TRPM8: variants seen among roughly 807,000 people sequenced by gnomAD.
TRPM8 encodes TRPM8 cationic channel.
Under a neutral mutation model 133.7 loss-of-function variants are expected in TRPM8, and 110 were observed. The observed-to-expected ratio is 0.82, with a 90% CI of 0.70 to 0.96. The LOEUF (loss-of-function observed/expected upper bound fraction) is 0.96. Ranked by LOEUF, TRPM8 falls within the 40% of genes least tolerant of loss-of-function variation. The pLI is 0.00. For synonymous variants in TRPM8, 535 were observed against 532.3 expected (o/e 1.01, Z -0.07); for missense variants, 1,291 against 1,379.5 (o/e 0.94, Z 1.02).
intron 19 of TRPM8, 82 bp downstream of exon 19, chr2:233,981,997 C>T: frequency 7.2e-7 from 1 of 1,395,830 alleles, no homozygotes. Context: ...GGATTTTGTC[C>T]TTAGAACGAC....
intron 4 of TRPM8, 88 bp from the exon 5 acceptor site, chr2:233,938,910 C>T: frequency 2.8e-6 from 4 of 1,438,380 alleles, no homozygotes; most frequent in Non-Finnish European, 3.8e-6. Context: ...AGCAGGCAAG[C>T]GTGGGCTTGG....
chr2:233,959,266 T>C (rs529308874), intron 11 of TRPM8, among the ~76,000 whole-genome samples: 13 of 151,706 alleles, frequency 8.6e-5, no homozygotes, highest in Non-Finnish European at 1.6e-4. Flanking sequence ...CCTCAGGTGA[T>C]CCACCCGCTT....
At chr2:233,923,117 C>T (rs903590976) in intron 1 of TRPM8, among the ~76,000 whole-genome samples, 1 of 152,158 alleles carries the variant, frequency 6.6e-6, no homozygotes, top group Admixed American at 6.5e-5. Flanking sequence ...GATCCGCCTG[C>T]CTCAGCCTCC....
At chr2:233,947,704 A>T in intron 8 of TRPM8, 1 of 893,970 alleles carries the variant, frequency 1.1e-6, no homozygotes, top group Non-Finnish European at 1.6e-6. Flanking sequence ...GCCAATCTGT[A>T]TGGACTCATT....
chr2:233,919,085 C>T (rs1463380472), intron 1 of TRPM8, among the ~76,000 whole-genome samples: 1 of 151,806 alleles, frequency 6.6e-6, no homozygotes, highest in African/African-American at 2.4e-5. Context: ...CTAGACAATC[C>T]TGATTGAAAA....
chr2:234,004,089 C>G (rs1052012384), intron 22 of TRPM8, among the ~76,000 whole-genome samples: 2 of 152,162 alleles, frequency 1.3e-5, no homozygotes, highest in African/African-American at 2.4e-5. Context: ...AGGAAGCCAC[C>G]AGATAAGTCA....
chr2:233,931,705 C>T (rs1691682322), intron 3 of TRPM8, among the ~76,000 whole-genome samples: 1 of 152,220 alleles, frequency 6.6e-6, no homozygotes, highest in African/African-American at 2.4e-5. Context: ...ATAATTCTTA[C>T]TTCATGTGAA....
intron 15 of TRPM8, among the ~76,000 whole-genome samples, chr2:233,967,489 C>T (rs553105184): frequency 6.6e-6 from 1 of 152,296 alleles, no homozygotes; most frequent in Admixed American, 6.5e-5. Flanking sequence ...TGGGTGCCAT[C>T]CCATTTCACT....
intron 9 of TRPM8, among the ~76,000 whole-genome samples, chr2:233,952,689 T>C (rs1182768969): frequency 6.6e-6 from 1 of 151,706 alleles, no homozygotes; most frequent in African/African-American, 2.4e-5. Flanking sequence ...GGAAGTTGTG[T>C]TCAGGACAGC....
At chr2:233,971,132 C>T (rs554876306) in intron 17 of TRPM8, among the ~76,000 whole-genome samples, 6 of 152,296 alleles carry the variant, frequency 3.9e-5, no homozygotes, top group South Asian at 2.1e-4. Context: ...CTGTTGTTGT[C>T]GTCACTGTTG....
intron 22 of TRPM8, among the ~76,000 whole-genome samples, chr2:234,002,465 A>G (rs1692593784): frequency 6.6e-6 from 1 of 152,174 alleles, no homozygotes. Context: ...TGAAACATAC[A>G]TCATGACACC....
intron 4 of TRPM8, 103 bp downstream of exon 4, chr2:233,937,612 T>G: frequency 7.4e-7 from 1 of 1,355,684 alleles, no homozygotes; most frequent in Non-Finnish European, 1.0e-6. Flanking sequence ...GCAGGAGAGA[T>G]GGGTAGTAAA....
intron 17 of TRPM8, among the ~76,000 whole-genome samples, chr2:233,975,281 A>G (rs1691839823): frequency 6.6e-6 from 1 of 152,164 alleles, no homozygotes; most frequent in South Asian, 2.1e-4. Context: ...TCATAATTCA[A>G]CTCAAGGGCT....
intron 24 of TRPM8, among the ~76,000 whole-genome samples, chr2:234,011,517 T>C (rs1210840830): frequency 6.6e-6 from 1 of 152,212 alleles, no homozygotes; most frequent in Non-Finnish European, 1.5e-5. Context: ...GGAATTTTGA[T>C]AGGGATTGCA....
At chr2:233,990,169 T>C (rs1462441238) in intron 21 of TRPM8, among the ~76,000 whole-genome samples, 1 of 152,230 alleles carries the variant, frequency 6.6e-6, no homozygotes, top group Non-Finnish European at 1.5e-5. Context: ...TTATTGAAGC[T>C]TTCCCATGCT....
At chr2:233,982,940 C>T in intron 19 of TRPM8, 113 bp from the exon 20 acceptor site, 1 of 1,199,004 alleles carries the variant, frequency 8.3e-7, no homozygotes, top group Non-Finnish European at 1.2e-6. Flanking sequence ...CTTAGATGCT[C>T]TGAGCCCTGG....
intron 15 of TRPM8, among the ~76,000 whole-genome samples, chr2:233,968,676 T>C (rs1691634528): frequency 6.6e-6 from 1 of 151,770 alleles, no homozygotes; most frequent in African/African-American, 2.4e-5. Context: ...AGGCCCTGGG[T>C]TTCCCTTTTC....
At chr2:234,003,627 G>A (rs1447350670) in intron 22 of TRPM8, among the ~76,000 whole-genome samples, 6 of 152,214 alleles carry the variant, frequency 3.9e-5, no homozygotes, top group Admixed American at 3.9e-4. Flanking sequence ...GTGCCTTCAG[G>A]TAACAGAAAA....
At position 233,954,202 on chromosome 2, in the gene TRPM8, A is replaced by G. The variant is rs1030780421; in HGVS notation, c.1243+183A>G. On this transcript the variant is annotated intron_variant, in intron 10 of 25. Coordinates refer to ENST00000324695, the MANE Select transcript of TRPM8 (RefSeq NM_024080.5). ...TGGTGAGGTGAATCTCCTTGGTTGT[A>G]TGTATTTGATAGAATAATAATTTTT... Among the ~76,000 whole-genome samples, 8 of 152,212 alleles carry G rather than the reference A, an allele frequency of 5.3e-5. No individual in the cohort carries two copies. The South Asian group carries it at 8.3e-4, about 16-fold the overall frequency.
Sources: allele counts gnomAD v4.1 joint callset (sites outside exome capture counted in the v4.1 genomes callset), GRCh38; gene constraint gnomAD v4.1.1; transcripts MANE v1.5; gene names NCBI Gene and HGNC (gene_info 2026-07-23, HGNC 2026-07-21).